Variants in NARS2 observed in about 807,000 individuals in gnomAD.
NARS2 encodes asparaginyl-tRNA synthetase.
Under a neutral mutation model 62.9 loss-of-function variants are expected in NARS2, and 60 were observed. The observed-to-expected ratio is 0.95, with a 90% CI of 0.77 to 1.18. The LOEUF (loss-of-function observed/expected upper bound fraction) is 1.18, where lower values mean the gene tolerates loss of function less well. Ranked by LOEUF, NARS2 falls within the 50% of genes most tolerant of loss-of-function variation. The pLI, the probability that NARS2 is intolerant of heterozygous loss-of-function variation, is 0.00. For synonymous variants in NARS2, 196 were observed against 200.0 expected (o/e 0.98, Z 0.17); for missense variants, 619 against 576.4 (o/e 1.07, Z -0.76).
intron 6 of NARS2, among the ~76,000 whole-genome samples, chr11:78,517,424 T>C (rs1485436060): frequency 6.6e-6 from 1 of 152,220 alleles, no homozygotes; most frequent in Non-Finnish European, 1.5e-5. Flanking sequence ...GAATCCATGT[T>C]AGAAATAGGA....
intron 9 of NARS2, among the ~76,000 whole-genome samples, chr11:78,477,649 A>C (rs1256711134): frequency 6.6e-6 from 1 of 152,160 alleles, no homozygotes; most frequent in African/African-American, 2.4e-5. Flanking sequence ...TTTTGGATGA[A>C]ATTAATGTCT....
intron 7 of NARS2, among the ~76,000 whole-genome samples, chr11:78,481,105 G>A (rs1859334889): frequency 6.6e-6 from 1 of 151,838 alleles, no homozygotes; most frequent in South Asian, 2.1e-4. Flanking sequence ...ACAGGCATGA[G>A]CCACCACACC....
In NARS2 at chr11:78,574,372, C is replaced by A. The variant is rs1328183372; in HGVS notation, c.117G>T (p.Ala39=). Residue 39 remains alanine (A), a synonymous_variant, in exon 1 of 14, where the codon GCG becomes GCT. Transcript: ENST00000281038. ...CCTGGATCTTAATGCGCTCCCCACT[C>A]GCGTTCTGAGCCCCGAGAGCGTCCC... is the stretch of plus-strand genomic sequence containing the variant. ...SVRDALGAQN[A]SGERIKIQGW... is the part of the protein sequence containing the mutation. 6.2e-7 allele frequency: 1 copy of A among 1,614,246 alleles called. No individual in the cohort carries two copies. The highest frequency in any genetic ancestry group is 1.7e-5 in the Admixed American group (1 of 60,036).
chr11:78,464,660 A>G (rs1245543012), intron 11 of NARS2, among the ~76,000 whole-genome samples: 4 of 152,022 alleles, frequency 2.6e-5, no homozygotes, highest in Non-Finnish European at 4.4e-5. Context: ...TGAGCTAGAT[A>G]GAGTGCTGAT....
chr11:78,460,187 G>A (rs1174301839), intron 11 of NARS2, among the ~76,000 whole-genome samples: 4 of 151,980 alleles, frequency 2.6e-5, no homozygotes, highest in Admixed American at 6.5e-5. Context: ...CATTGTAGGC[G>A]ACATAAAGGA....
At chr11:78,513,458 T>G (rs1288913842) in intron 6 of NARS2, among the ~76,000 whole-genome samples, 1 of 151,932 alleles carries the variant, frequency 6.6e-6, no homozygotes, top group East Asian at 1.9e-4. Context: ...GTTCAATTGT[T>G]TTGATTTTCA....
chr11:78,494,654 C>A (rs1295849530), intron 6 of NARS2, among the ~76,000 whole-genome samples: 2 of 151,780 alleles, frequency 1.3e-5, no homozygotes, highest in African/African-American at 2.4e-5. Context: ...AACCTGAGAA[C>A]CTTAGTTTTT....
chr11:78,466,663 A>G (rs1208140464), intron 10 of NARS2, among the ~76,000 whole-genome samples: 1 of 151,952 alleles, frequency 6.6e-6, no homozygotes, highest in Non-Finnish European at 1.5e-5. Context: ...TTGTATTTTC[A>G]GTAGAGATGG....
At chr11:78,554,456 T>G (rs1288700209) in intron 5 of NARS2, among the ~76,000 whole-genome samples, 1 of 151,678 alleles carries the variant, frequency 6.6e-6, no homozygotes, top group Non-Finnish European at 1.5e-5. Context: ...TTTATAATTC[T>G]CATGTAGAGC....
chr11:78,538,122 T>C (rs1163321762), intron 5 of NARS2, among the ~76,000 whole-genome samples: 2 of 152,190 alleles, frequency 1.3e-5, no homozygotes, highest in Admixed American at 6.5e-5. Context: ...ACCAATCTTA[T>C]AGTCACTTAG....
chr11:78,519,411 A>G (rs2135406512), intron 6 of NARS2, among the ~76,000 whole-genome samples: 1 of 152,364 alleles, frequency 6.6e-6, no homozygotes, highest in African/African-American at 2.4e-5. Flanking sequence ...TGATTTTTCA[A>G]ATCTGAAAAA....
At chr11:78,539,204 A>G (rs1855515230) in intron 5 of NARS2, among the ~76,000 whole-genome samples, 1 of 151,792 alleles carries the variant, frequency 6.6e-6, no homozygotes, top group Admixed American at 6.6e-5. Flanking sequence ...ATAAAGGGAT[A>G]AGAGTAGAAG....
At chr11:78,438,022 A>G (rs1162486459) in intron 13 of NARS2, among the ~76,000 whole-genome samples, 1 of 151,660 alleles carries the variant, frequency 6.6e-6, no homozygotes, top group Non-Finnish European at 1.5e-5. Context: ...AAACCAAGCA[A>G]GTTTATATTT....
At chr11:78,466,418 A>C (rs1388822559) in intron 10 of NARS2, among the ~76,000 whole-genome samples, 1 of 152,144 alleles carries the variant, frequency 6.6e-6, no homozygotes, top group Non-Finnish European at 1.5e-5. Flanking sequence ...GTCTCAGGAA[A>C]TTAAATGATA....
At chr11:78,555,689 C>G (rs973548031) in intron 5 of NARS2, among the ~76,000 whole-genome samples, 1 of 152,096 alleles carries the variant, frequency 6.6e-6, no homozygotes, top group Non-Finnish European at 1.5e-5. Context: ...TTCAGTTCAG[C>G]TCTGATTTTT....
intron 5 of NARS2, chr11:78,558,708 G>A (rs940185862): frequency 1.1e-4 from 16 of 152,104 alleles, no homozygotes; most frequent in African/African-American, 3.6e-4. Flanking sequence ...ACAATGCCTG[G>A]CATATACTAG....
intron 9 of NARS2, among the ~76,000 whole-genome samples, chr11:78,477,622 G>C (rs1859157582): frequency 1.3e-5 from 2 of 152,174 alleles, no homozygotes; most frequent in Non-Finnish European, 2.9e-5. Context: ...TATTCTGAAT[G>C]CTTCTAAGAA....
At chr11:78,452,473 G>A (rs529872932) in intron 11 of NARS2, among the ~76,000 whole-genome samples, 2 of 152,042 alleles carry the variant, frequency 1.3e-5, no homozygotes, top group African/African-American at 2.4e-5. Flanking sequence ...AGTGGTATGA[G>A]TGTGGCTCAA....
chr11:78,543,142 C>T (rs1048173430), intron 5 of NARS2, among the ~76,000 whole-genome samples: 15 of 152,076 alleles, frequency 9.9e-5, no homozygotes, highest in Admixed American at 3.3e-4. Context: ...GGTGCCACTG[C>T]ACTCTAGCCT....
Sources: allele counts gnomAD v4.1 joint callset (sites outside exome capture counted in the v4.1 genomes callset), GRCh38; gene constraint gnomAD v4.1.1; transcripts MANE v1.5; gene names NCBI Gene and HGNC (gene_info 2026-07-23, HGNC 2026-07-21).